Variants in GSN observed in about 807,000 individuals in gnomAD.
GSN encodes the protein gelsolin, also known as actin-depolymerizing factor.
GSN carries 56 observed loss-of-function variants against 85.7 expected under a neutral mutation model. That is an observed-to-expected ratio of 0.65 (90% CI 0.53 to 0.82). The LOEUF (loss-of-function observed/expected upper bound fraction) is 0.82. Ranked by LOEUF, GSN falls within the 40% of genes least tolerant of loss-of-function variation. The pLI, the probability that GSN is intolerant of heterozygous loss-of-function variation, is 0.00. For missense variants in GSN, 857 were observed against 979.8 expected (o/e 0.87, Z 1.67); for synonymous variants, 373 against 399.1 (o/e 0.93, Z 0.78).
intron 4 of GSN, chr9:121,309,524 C>T (rs531197087): frequency 7.2e-5 from 11 of 152,246 alleles, no homozygotes; most frequent in East Asian, 1.9e-4. Flanking sequence ...GGAGTTGCTG[C>T]GGTACCGTAG....
intron 6 of GSN, among the ~76,000 whole-genome samples, chr9:121,254,533 T>C (rs1311610711): frequency 6.6e-6 from 1 of 152,216 alleles, no homozygotes; most frequent in African/African-American, 2.4e-5. Flanking sequence ...GAGGTCATAC[T>C]TCTCTTTAGG....
intron 1 of GSN, among the ~76,000 whole-genome samples, chr9:121,208,686 C>G (rs1426531230): frequency 6.6e-6 from 1 of 152,178 alleles, no homozygotes; most frequent in African/African-American, 2.4e-5. Flanking sequence ...TGCTGACATC[C>G]CATTGGTAGG....
the GSN span, among the ~76,000 whole-genome samples, chr9:121,202,344 C>G: frequency 6.6e-6 from 1 of 152,204 alleles, no homozygotes; most frequent in Non-Finnish European, 1.5e-5. Flanking sequence ...CCGCTGTATG[C>G]TTCGTATATA....
chr9:121,299,244 TG>T lies in GSN; in HGVS notation c.-9-2718del. 1 of 967,268 alleles carries T rather than the reference TG, an allele frequency of 1.0e-6. No individual in the cohort carries two copies. The allele number at this position is 967,268 out of a possible 1,614,324, so 59.9% of individuals were successfully genotyped here. ...AGCTGAGCGTTCTGCCCCGCCCCTC[TG>T]AGTCCTGCCGGCTTCACCTGCCCAC... On this transcript the variant is annotated intron_variant, in intron 2 of 17. Transcript: ENST00000432226. This position sits in a 1 kb window ranked among gnomAD's most constrained non-coding sequence, Gnocchi z 4.2.
intron 2 of GSN, chr9:121,300,055 G>C: frequency 6.2e-7 from 1 of 1,606,156 alleles, no homozygotes; most frequent in Non-Finnish European, 8.5e-7. Context: ...TCTATTGTAA[G>C]TTCTTGCAGA....
intron 4 of GSN, among the ~76,000 whole-genome samples, chr9:121,229,184 A>G (rs2054337709): frequency 6.6e-6 from 1 of 152,026 alleles, no homozygotes; most frequent in Non-Finnish European, 1.5e-5. Context: ...CCCTCCCCCT[A>G]CTTTGTCTTC....
At chr9:121,252,518 C>T (rs2132247505) in intron 6 of GSN, among the ~76,000 whole-genome samples, 1 of 152,324 alleles carries the variant, frequency 6.6e-6, no homozygotes, top group African/African-American at 2.4e-5. Flanking sequence ...AGTCTTTTGG[C>T]AGTTGGAGGA....
At chr9:121,306,801 C>T (rs12351286) in intron 4 of GSN, among the ~76,000 whole-genome samples, 1 of 152,222 alleles carries the variant, frequency 6.6e-6, no homozygotes, top group Non-Finnish European at 1.5e-5. Context: ...GTTAATTAAT[C>T]TTTCCAATTC....
intron 5 of GSN, among the ~76,000 whole-genome samples, chr9:121,231,883 A>G (rs1554775420): frequency 1.3e-5 from 2 of 152,146 alleles, no homozygotes; most frequent in South Asian, 4.1e-4. Context: ...CCTGGCCTAC[A>G]TGGTGAAACC....
At chr9:121,241,047 C>G (rs781495548) in intron 5 of GSN, among the ~76,000 whole-genome samples, 1 of 152,052 alleles carries the variant, frequency 6.6e-6, no homozygotes, top group Non-Finnish European at 1.5e-5. Flanking sequence ...AAACTTCAAC[C>G]AAGTATCAAG....
intron 2 of GSN, among the ~76,000 whole-genome samples, chr9:121,289,498 C>T (rs190104025): frequency 1.3e-5 from 2 of 152,336 alleles, no homozygotes; most frequent in East Asian, 1.9e-4. Flanking sequence ...AGAGAACCTG[C>T]TGCTGTTAAG....
At chr9:121,226,987 G>A (rs561684737) in intron 4 of GSN, among the ~76,000 whole-genome samples, 1 of 152,328 alleles carries the variant, frequency 6.6e-6, no homozygotes, top group Admixed American at 6.5e-5. Context: ...CCAGGAGGTG[G>A]TGCACCCCAA....
rs758568228 is a variant in GSN, at chr9:121,310,761, G to A, written c.429G>A (p.Gly143=). 8 of 1,614,140 alleles carry A rather than the reference G, an allele frequency of 5.0e-6. No individual in the cohort carries two copies. In the East Asian group the frequency reaches 1.3e-4, roughly 27 times the overall value. ...TGCAGAGACTCTTCCAGGTCAAAGG[G>A]CGGCGTGTGGTCCGTGCCACCGAGG... ...VVVQRLFQVK[G]RRVVRATEVP... The change falls in exon 5 of 18, where the codon GGG becomes GGA. Residue 143 remains glycine (G), a synonymous_variant. Coordinates refer to ENST00000432226, the MANE Select transcript of GSN (RefSeq NM_198252.3).
chr9:121,297,156 A>G (rs1296056776), intron 2 of GSN, among the ~76,000 whole-genome samples: 1 of 152,250 alleles, frequency 6.6e-6, no homozygotes, highest in African/African-American at 2.4e-5. Flanking sequence ...AGGCATCACT[A>G]TAAGCATATT....
chr9:121,252,917 A>G (rs2132248799), intron 6 of GSN, among the ~76,000 whole-genome samples: 1 of 152,350 alleles, frequency 6.6e-6, no homozygotes, highest in South Asian at 2.1e-4. Context: ...GGGGGACTAT[A>G]GGAAAATACC....
intron 4 of GSN, among the ~76,000 whole-genome samples, chr9:121,225,038 C>T (rs1042292542): frequency 1.3e-5 from 2 of 152,094 alleles, no homozygotes; most frequent in African/African-American, 2.4e-5. Context: ...AGGCTATTCT[C>T]GAACTCCTGG....
intron 7 of GSN, among the ~76,000 whole-genome samples, chr9:121,316,573 T>A (rs545047149): frequency 1.4e-4 from 22 of 152,218 alleles, no homozygotes; most frequent in African/African-American, 4.6e-4. Flanking sequence ...TGGGCTCAAG[T>A]GATCCTCCCA....
chr9:121,240,174 AGTCACAT>A (rs1459112231), intron 5 of GSN: 1 of 152,262 alleles, frequency 6.6e-6, no homozygotes, highest in East Asian at 1.9e-4. Context: ...AAGTGACATC[AGTCACAT>A]TATATTACTA....
intron 4 of GSN, among the ~76,000 whole-genome samples, chr9:121,220,653 C>T (rs572510890): frequency 6.6e-6 from 1 of 152,292 alleles, no homozygotes; most frequent in Admixed American, 6.5e-5. Context: ...AACTAAACCA[C>T]CTAGTGAGAT....
Sources: allele counts gnomAD v4.1 joint callset (sites outside exome capture counted in the v4.1 genomes callset), GRCh38; gene constraint gnomAD v4.1.1; non-coding constraint Gnocchi (gnomAD v3.1); transcripts MANE v1.5; gene names NCBI Gene and HGNC (gene_info 2026-07-23, HGNC 2026-07-21).